Variants in CCSER1 observed in about 807,000 individuals in gnomAD.
CCSER1 encodes the protein serine-rich coiled-coil domain-containing protein 1.
Under a neutral mutation model 82.0 loss-of-function variants are expected in CCSER1, and 41 were observed. That is an observed-to-expected ratio of 0.50 (90% CI 0.39 to 0.65). CCSER1 has a LOEUF of 0.65. Ranked by LOEUF, CCSER1 falls within the 30% of genes least tolerant of loss-of-function variation. CCSER1 has a pLI of 0.00. For missense variants in CCSER1, 1,119 were observed against 1,064.2 expected, an observed-to-expected ratio of 1.05 and a Z score of -0.72; for synonymous variants, 414 against 383.9, an observed-to-expected ratio of 1.08 and a Z score of -0.92.
chr4:90,481,681 T>G lies in CCSER1; in HGVS notation c.1724+13327T>G, dbSNP rs959977738. Among the ~76,000 whole-genome samples, 22 of 152,198 alleles carry G rather than the reference T, an allele frequency of 1.4e-4. 1 individual carries two copies. The highest frequency in any genetic ancestry group is 5.9e-5 in the Non-Finnish European group (4 of 68,030). On this transcript the variant is annotated intron_variant, in intron 5 of 10. Coordinates refer to ENST00000509176, the MANE Select transcript of CCSER1 (RefSeq NM_001145065.2). ...ATATGCTGGATTACGTTTATTGATT[T>G]TCGTATGTTGAAGCAGCCTTGCATC...
intron 5 of CCSER1, among the ~76,000 whole-genome samples, chr4:90,605,122 T>C (rs1203251767): frequency 6.6e-6 from 1 of 152,082 alleles, no homozygotes; most frequent in African/African-American, 2.4e-5. Context: ...CTGCAGCTTC[T>C]CTCTTGAAGC....
intron 1 of CCSER1, among the ~76,000 whole-genome samples, chr4:90,213,407 T>G (rs1245570058): frequency 1.3e-5 from 2 of 151,960 alleles, no homozygotes; most frequent in African/African-American, 2.4e-5. Context: ...TAAGTGAAAA[T>G]GTTGAGTAGG....
At position 90,304,063 on chromosome 4, in the gene CCSER1, G is replaced by A. The variant is rs1018238441; in HGVS notation, c.-41-4181G>A. 2.2e-4 allele frequency among the ~76,000 whole-genome samples: 34 copies of A among 152,206 alleles called. 1 individual carries two copies. Among genetic ancestry groups the A allele is most frequent in the Admixed American group, 1.6e-3 (25 of 15,292 alleles). On this transcript the variant is annotated intron_variant, in intron 1 of 10. Transcript: ENST00000509176. ...CATGAAAAAATGCTCACCATCACTG[G>A]CCATCAGAGAAATGCAAATCAAAAC... is the stretch of plus-strand genomic sequence containing the variant.
intron 5 of CCSER1, among the ~76,000 whole-genome samples, chr4:90,493,218 A>G (rs148901604): frequency 0.04 from 6,068 of 152,276 alleles, 137 homozygotes; most frequent in African/African-American, 0.054. Context: ...TAGAGAAAAA[A>G]GAGTAAAAAG....
At chr4:91,482,906 G>T (rs952381809) in intron 10 of CCSER1, among the ~76,000 whole-genome samples, 61 of 152,092 alleles carry the variant, frequency 4.0e-4, no homozygotes, top group African/African-American at 1.4e-3. Context: ...AGAACACTTG[G>T]ACACAGGAAG....
chr4:90,199,283 T>C (rs1203450285), intron 1 of CCSER1, among the ~76,000 whole-genome samples: 2 of 152,350 alleles, frequency 1.3e-5, no homozygotes, highest in African/African-American at 4.8e-5. Flanking sequence ...ATTTTATTAA[T>C]ATTAGAATAG....
At chr4:90,821,473 TTAAAA>T (rs1759713897) in intron 8 of CCSER1, among the ~76,000 whole-genome samples, 1 of 152,142 alleles carries the variant, frequency 6.6e-6, no homozygotes, top group Admixed American at 6.6e-5. Flanking sequence ...GATAAATAGT[TTAAAA>T]TATAGGTTCT....
At chr4:90,610,252 CAAATAAATAAATAAATAAATAAATAAAT>C (rs201777020) in intron 5 of CCSER1, among the ~76,000 whole-genome samples, 1 of 135,966 alleles carries the variant, frequency 7.4e-6, no homozygotes, top group Non-Finnish European at 1.6e-5. Context: ...GACTCCATCT[CAAATAAATAAATAAATAAATAAATAAAT>C]AAATAAATAA....
At chr4:90,478,706 A>G (rs1765438220) in intron 5 of CCSER1, among the ~76,000 whole-genome samples, 1 of 151,918 alleles carries the variant, frequency 6.6e-6, no homozygotes, top group Admixed American at 6.6e-5. Context: ...ATTTAAAAAA[A>G]GAATAAATTG....
intron 10 of CCSER1, among the ~76,000 whole-genome samples, chr4:91,276,427 T>A (rs1742450482): frequency 6.6e-6 from 1 of 151,864 alleles, no homozygotes; most frequent in African/African-American, 2.4e-5. Context: ...GATTACCTTC[T>A]TCATTTCTTT....
At chr4:90,352,722 G>T (rs1216613335) in intron 3 of CCSER1, among the ~76,000 whole-genome samples, 1 of 151,780 alleles carries the variant, frequency 6.6e-6, no homozygotes, top group Non-Finnish European at 1.5e-5. Context: ...ATAGTAACAG[G>T]TAGCATGATT....
At chr4:91,087,428 A>T (rs1723496953) in intron 10 of CCSER1, among the ~76,000 whole-genome samples, 1 of 152,096 alleles carries the variant, frequency 6.6e-6, no homozygotes, top group Non-Finnish European at 1.5e-5. Context: ...TTATTGAAAG[A>T]GTGGCTCTTA....
intron 10 of CCSER1, among the ~76,000 whole-genome samples, chr4:91,234,206 C>T (rs1243722230): frequency 6.6e-6 from 1 of 152,004 alleles, no homozygotes; most frequent in Non-Finnish European, 1.5e-5. Context: ...AGTCAGGTCT[C>T]CTTGTTCGCT....
intron 7 of CCSER1, among the ~76,000 whole-genome samples, chr4:90,779,680 T>C (rs1427543659): frequency 6.6e-6 from 1 of 152,246 alleles, no homozygotes; most frequent in East Asian, 1.9e-4. Flanking sequence ...ACATTCTTCC[T>C]TGACACTGAG....
chr4:90,267,016 G>A (rs1221303974), intron 1 of CCSER1, among the ~76,000 whole-genome samples: 1 of 151,862 alleles, frequency 6.6e-6, no homozygotes, highest in Non-Finnish European at 1.5e-5. Context: ...GCCACTGTGG[G>A]GTAGAGCACC....
At chr4:90,435,149 A>G (rs944111922) in intron 4 of CCSER1, among the ~76,000 whole-genome samples, 1 of 152,210 alleles carries the variant, frequency 6.6e-6, no homozygotes, top group Non-Finnish European at 1.5e-5. Context: ...AGATTTCATT[A>G]CTATAAAAAG....
Position 90,912,854 on chromosome 4 carries a change from T to C in CCSER1, c.2095-10516T>C, listed in dbSNP as rs1033987836. ...TACGTGACGAATGCCCAAGCTTCAGTAGCTGATTCGATCAACTGGAAGAAA... is the reference window on the plus strand; with the variant it reads ...TACGTGACGAATGCCCAAGCTTCAGCAGCTGATTCGATCAACTGGAAGAAA... On this transcript the variant is annotated intron_variant, in intron 8 of 10. Coordinates refer to ENST00000509176, the MANE Select transcript of CCSER1 (RefSeq NM_001145065.2). Among the ~76,000 whole-genome samples, 15 of 152,178 alleles carry C rather than the reference T, an allele frequency of 9.9e-5. 1 individual carries two copies. Among genetic ancestry groups the C allele is most frequent in the Admixed American group, 7.9e-4 (12 of 15,274 alleles).
intron 10 of CCSER1, among the ~76,000 whole-genome samples, chr4:91,140,561 G>A (rs572209248): frequency 2.6e-5 from 4 of 152,016 alleles, no homozygotes; most frequent in Non-Finnish European, 5.9e-5. Context: ...ATTCAAGAAA[G>A]TATTAATTCA....
At chr4:90,491,596 GT>G (rs1012891539) in intron 5 of CCSER1, among the ~76,000 whole-genome samples, 2 of 152,118 alleles carry the variant, frequency 1.3e-5, no homozygotes, top group African/African-American at 4.8e-5. Context: ...TCTTGTGCCA[GT>G]TTTCAAAGGG....
Sources: gnomAD v4.1 joint callset for allele counts (sites outside exome capture counted in the v4.1 genomes callset) on GRCh38, gnomAD v4.1.1 for gene constraint, MANE v1.5 for transcripts, NCBI Gene and HGNC (gene_info 2026-07-23, HGNC 2026-07-21) for gene names.